The following PDK1 variants were observed in gnomAD, a reference collection of about 807,000 sequenced individuals.
PDK1 encodes [Pyruvate dehydrogenase (acetyl-transferring)] kinase isozyme 1, mitochondrial.
A neutral mutation model predicts 54.2 loss-of-function variants in PDK1; 39 were observed. The observed-to-expected ratio is 0.72, with a 90% CI of 0.56 to 0.94. The LOEUF (loss-of-function observed/expected upper bound fraction) is 0.94, where lower values mean the gene tolerates loss of function less well. Ranked by LOEUF, PDK1 falls within the 40% of genes least tolerant of loss-of-function variation. PDK1 has a pLI of 0.00. For missense variants in PDK1, 552 were observed against 566.0 expected, an observed-to-expected ratio of 0.98 and a Z score of 0.25; for synonymous variants, 221 against 207.1, an observed-to-expected ratio of 1.07 and a Z score of -0.58.
the PDK1 span, among the ~76,000 whole-genome samples, chr2:172,648,740 A>G: frequency 6.6e-6 from 1 of 152,156 alleles, no homozygotes; most frequent in African/African-American, 2.4e-5. Context: ...CACTGCTAGC[A>G]CAGCAGTCTG....
chr2:172,650,605 CA>C, the PDK1 span, among the ~76,000 whole-genome samples: 1 of 151,894 alleles, frequency 6.6e-6, no homozygotes, highest in Admixed American at 6.6e-5. Context: ...CAGAGACACA[CA>C]TAGGCTCAAA....
chr2:172,591,364 T>C (rs951903641), intron 9 of PDK1, among the ~76,000 whole-genome samples: 7 of 152,292 alleles, frequency 4.6e-5, no homozygotes, highest in African/African-American at 1.7e-4. Flanking sequence ...CCCTGACTGG[T>C]TAGTGTAAAA....
rs1574494991 is a variant in PDK1 at position 172,576,501 on chromosome 2, C to G, written c.945+5677C>G. On this transcript the variant is annotated intron_variant, in intron 8 of 10. Transcript: ENST00000282077. Reference sequence around the variant, plus strand: ...TCTATTCTGTATTTCATTAATTACACTCTAGGCTTTATTATAATTTCCTTC... The same window carrying G: ...TCTATTCTGTATTTCATTAATTACAGTCTAGGCTTTATTATAATTTCCTTC... 2.0e-5 allele frequency among the ~76,000 whole-genome samples: 3 copies of G among 151,470 alleles called. No individual in the cohort carries two copies. The South Asian group carries it at 6.2e-4, about 31-fold the overall frequency.
At chr2:172,563,527 G>T (rs1009130645) in intron 3 of PDK1, among the ~76,000 whole-genome samples, 1 of 152,122 alleles carries the variant, frequency 6.6e-6, no homozygotes, top group Non-Finnish European at 1.5e-5. Flanking sequence ...AATTGGTTTC[G>T]TTACTGCATA....
At chr2:172,715,321 G>T in the PDK1 span, among the ~76,000 whole-genome samples, 1 of 152,128 alleles carries the variant, frequency 6.6e-6, no homozygotes, top group African/African-American at 2.4e-5. Flanking sequence ...ACTATGCCTT[G>T]CCCAAGTTCT....
intron 8 of PDK1, among the ~76,000 whole-genome samples, chr2:172,580,214 T>C (rs1257842699): frequency 1.3e-5 from 2 of 150,248 alleles, no homozygotes; most frequent in Non-Finnish European, 2.9e-5. Flanking sequence ...ATCTGTTTGC[T>C]GTAAAAACAA....
intron 10 of PDK1, among the ~76,000 whole-genome samples, chr2:172,594,319 C>A (rs927179432): frequency 1.3e-5 from 2 of 152,178 alleles, no homozygotes; most frequent in African/African-American, 4.8e-5. Context: ...GCCACCACAC[C>A]TGGCCTAGTG....
At chr2:172,613,989 C>G in the PDK1 span, among the ~76,000 whole-genome samples, 1 of 152,286 alleles carries the variant, frequency 6.6e-6, no homozygotes, top group South Asian at 2.1e-4. Context: ...GCTGCAGCTG[C>G]CGCACCCACA....
At chr2:172,721,939 A>G in the PDK1 span, among the ~76,000 whole-genome samples, 1 of 152,206 alleles carries the variant, frequency 6.6e-6, no homozygotes, top group African/African-American at 2.4e-5. Flanking sequence ...GTAGAATGCC[A>G]TTGGGAACAG....
the PDK1 span, among the ~76,000 whole-genome samples, chr2:172,687,806 C>T: frequency 5.6e-3 from 854 of 152,284 alleles, 18 homozygotes; most frequent in East Asian, 0.041. Context: ...ATCAGCCTGA[C>T]CTTCTCTTGC....
chr2:172,712,069 T>A, the PDK1 span, among the ~76,000 whole-genome samples: 1 of 152,070 alleles, frequency 6.6e-6, no homozygotes, highest in Non-Finnish European at 1.5e-5. Context: ...ATATTAAGAC[T>A]GTTAAGGTTA....
the PDK1 span, among the ~76,000 whole-genome samples, chr2:172,662,493 C>CGTGTGTGTGTGTGTGTGTGT: frequency 0.098 from 14,045 of 143,422 alleles, 846 homozygotes; most frequent in Admixed American, 0.13. Context: ...TTTTTAAAAT[C>CGTGTGTGTGTGTGTGTGTGT]GTGTGTGTGT....
At chr2:172,564,860 A>G (rs1483168900) in intron 4 of PDK1, 118 bp from the exon 5 acceptor site, 14 of 879,080 alleles carry the variant, frequency 1.6e-5, no homozygotes, top group East Asian at 2.5e-5. Flanking sequence ...GTAAAATACT[A>G]TGTTTATCCT....
chr2:172,713,920 A>G, the PDK1 span, among the ~76,000 whole-genome samples: 1 of 152,222 alleles, frequency 6.6e-6, no homozygotes, highest in African/African-American at 2.4e-5. Flanking sequence ...CATCACTATT[A>G]CACAAGTTTT....
the PDK1 span, among the ~76,000 whole-genome samples, chr2:172,690,954 C>T: frequency 6.7e-6 from 1 of 149,976 alleles, no homozygotes; most frequent in African/African-American, 2.4e-5. Flanking sequence ...AGGTATCAAA[C>T]CTGCACGTTG....
the PDK1 span, among the ~76,000 whole-genome samples, chr2:172,686,765 T>C: frequency 6.6e-6 from 1 of 152,218 alleles, no homozygotes; most frequent in African/African-American, 2.4e-5. Flanking sequence ...TTGAAGTCGG[T>C]GAGACCAGGA....
chr2:172,634,036 TG>T, the PDK1 span, among the ~76,000 whole-genome samples: 513 of 150,820 alleles, frequency 3.4e-3, 3 homozygotes, highest in African/African-American at 0.012. Context: ...CCACCAGGCC[TG>T]GCTAATTTTT....
intron 8 of PDK1, among the ~76,000 whole-genome samples, chr2:172,575,427 G>A (rs760485414): frequency 1.3e-5 from 2 of 152,184 alleles, no homozygotes; most frequent in Non-Finnish European, 2.9e-5. Flanking sequence ...ACACAGCAGT[G>A]AAGACTTCTG....
At chr2:172,689,477 T>A in the PDK1 span, among the ~76,000 whole-genome samples, 1 of 152,212 alleles carries the variant, frequency 6.6e-6, no homozygotes, top group African/African-American at 2.4e-5. Context: ...AATGACTTTC[T>A]TCACAGAATT....
Sources: gnomAD v4.1 joint callset for allele counts (sites outside exome capture counted in the v4.1 genomes callset) on GRCh38, gnomAD v4.1.1 for gene constraint, MANE v1.5 for transcripts, NCBI Gene and HGNC (gene_info 2026-07-23, HGNC 2026-07-21) for gene names.